GMDS: variants seen among roughly 807,000 people sequenced by gnomAD.
GMDS encodes GDP-mannose 4,6-dehydratase, also known as GDP-mannose 4,6 dehydratase.
Under a neutral mutation model 49.9 loss-of-function variants are expected in GMDS, and 20 were observed. The ratio of observed to expected loss-of-function variants is 0.40; its 90% CI spans 0.28 to 0.58. GMDS has a LOEUF of 0.58. Among genes scored for constraint, GMDS ranks in the 20% least tolerant of loss-of-function variants. The pLI is 0.42. For missense variants in GMDS, 362 were observed against 481.4 expected (o/e 0.75, Z 2.32); for synonymous variants, 177 against 178.6 (o/e 0.99, Z 0.07).
Position 1,789,908 on chromosome 6 carries a change from G to A in GMDS, c.772-47322C>T, listed in dbSNP as rs112675133. Among the ~76,000 whole-genome samples the A allele has an allele frequency of 5.0e-3, 767 of 152,060 alleles. 6 individuals carry two copies. The highest frequency in any genetic ancestry group is 0.018 in the African/African-American group (733 of 41,488). ...ATATTATGCTAGCATTTAAAGAAGT[G>A]GCATATCTGTTTAAATAATATCACA... On this transcript the variant is annotated intron_variant, in intron 7 of 10. Transcript: ENST00000380815.
intron 4 of GMDS, among the ~76,000 whole-genome samples, chr6:1,999,969 A>T (rs866987317): frequency 1.0e-3 from 11 of 10,894 alleles, no homozygotes; most frequent in Middle Eastern, 0.038. Flanking sequence ...TTATATATAT[A>T]TTATATATAT....
In GMDS at chr6:1,674,043, C is replaced by T. The variant is rs1023432808; in HGVS notation, c.988-49503G>A. On this transcript the variant is annotated intron_variant, in intron 9 of 10. Coordinates refer to ENST00000380815, the MANE Select transcript of GMDS (RefSeq NM_001500.4). ...TGTTTTCAACTTAATTGGGTAAATA[C>T]ATAGCCGCGAGGTTGCTGATTGCGT... Among the ~76,000 whole-genome samples, 6 of 150,466 alleles carry T rather than the reference C, an allele frequency of 4.0e-5. No individual in the cohort carries two copies. The South Asian group carries it at 8.5e-4, about 21-fold the overall frequency.
chr6:1,853,144 ACT>A (rs1757767872), intron 7 of GMDS, among the ~76,000 whole-genome samples: 1 of 152,114 alleles, frequency 6.6e-6, no homozygotes, highest in Non-Finnish European at 1.5e-5. Context: ...CATACAAGAA[ACT>A]CTGAAAAGTA....
intron 4 of GMDS, among the ~76,000 whole-genome samples, chr6:1,999,052 G>A (rs980552707): frequency 2.0e-5 from 3 of 152,022 alleles, no homozygotes; most frequent in Admixed American, 6.6e-5. Context: ...GGCCAGGTGC[G>A]GTGGCTCACG....
intron 8 of GMDS, among the ~76,000 whole-genome samples, chr6:1,736,842 G>T (rs935776324): frequency 3.9e-5 from 6 of 152,212 alleles, no homozygotes; most frequent in African/African-American, 1.4e-4. Flanking sequence ...CTGAGTGGAG[G>T]GATGTGCTCT....
chr6:1,684,665 C>T (rs1056691511), intron 9 of GMDS, among the ~76,000 whole-genome samples: 2 of 152,130 alleles, frequency 1.3e-5, no homozygotes, highest in Non-Finnish European at 2.9e-5. Flanking sequence ...GTGTTGGGGG[C>T]AGGACTGACT....
intron 1 of GMDS, among the ~76,000 whole-genome samples, chr6:2,156,986 A>T (rs751176232): frequency 9.9e-5 from 15 of 152,108 alleles, no homozygotes; most frequent in Non-Finnish European, 1.9e-4. Flanking sequence ...ACTAGTTCAG[A>T]TTTTTTTTCT....
chr6:2,145,462 C>T (rs1381047028), intron 1 of GMDS, among the ~76,000 whole-genome samples: 2 of 151,960 alleles, frequency 1.3e-5, no homozygotes, highest in Non-Finnish European at 2.9e-5. Context: ...TGCTTGAACC[C>T]AGGAGATGGA....
At chr6:1,651,157 C>T (rs1763642299) in intron 9 of GMDS, among the ~76,000 whole-genome samples, 1 of 152,210 alleles carries the variant, frequency 6.6e-6, no homozygotes, top group South Asian at 2.1e-4. Flanking sequence ...GCCGCAGCTC[C>T]ACCAGGAGTG....
intron 7 of GMDS, among the ~76,000 whole-genome samples, chr6:1,792,571 T>G (rs112005715): frequency 2.0e-4 from 31 of 152,200 alleles, no homozygotes; most frequent in African/African-American, 7.5e-4. Flanking sequence ...TCACCTTTCT[T>G]GATGTATTCC....
intron 7 of GMDS, among the ~76,000 whole-genome samples, chr6:1,818,354 T>A (rs955057889): frequency 2.0e-5 from 3 of 152,160 alleles, no homozygotes; most frequent in Non-Finnish European, 4.4e-5. Flanking sequence ...ATGCCTGTAA[T>A]CCCAGCACTT....
chr6:2,094,596 A>G (rs1773491617), intron 4 of GMDS, among the ~76,000 whole-genome samples: 1 of 152,254 alleles, frequency 6.6e-6, no homozygotes. Flanking sequence ...TTTAAGAATA[A>G]CATTCACATT....
intron 4 of GMDS, among the ~76,000 whole-genome samples, chr6:2,046,107 G>T (rs1769996899): frequency 6.6e-6 from 1 of 152,170 alleles, no homozygotes; most frequent in Non-Finnish European, 1.5e-5. Context: ...CAGCTACTCA[G>T]GAGGCTGAGG....
chr6:1,810,049 G>A (rs970506772), intron 7 of GMDS, among the ~76,000 whole-genome samples: 24 of 152,132 alleles, frequency 1.6e-4, no homozygotes, highest in Non-Finnish European at 5.9e-5. Context: ...CAACTACACT[G>A]AGCAGTTGCT....
intron 1 of GMDS, among the ~76,000 whole-genome samples, chr6:2,223,163 A>C (rs1780671254): frequency 6.6e-6 from 1 of 152,032 alleles, no homozygotes. Flanking sequence ...ATATATATAC[A>C]CACATATATA....
intron 4 of GMDS, among the ~76,000 whole-genome samples, chr6:2,106,453 C>G (rs893025454): frequency 6.6e-6 from 1 of 152,058 alleles, no homozygotes; most frequent in Non-Finnish European, 1.5e-5. Context: ...GGTATTAAGT[C>G]TAATTTTTTT....
chr6:1,944,538 C>A (rs1425743626), intron 6 of GMDS, among the ~76,000 whole-genome samples: 1 of 151,518 alleles, frequency 6.6e-6, no homozygotes, highest in Non-Finnish European at 1.5e-5. Context: ...GGCGTGGTGG[C>A]GGGCGCCTGT....
intron 7 of GMDS, among the ~76,000 whole-genome samples, chr6:1,743,250 T>C (rs1767344406): frequency 1.3e-5 from 2 of 152,172 alleles, no homozygotes; most frequent in African/African-American, 2.4e-5. Context: ...GGGGCTCAAC[T>C]TCCACATCAA....
At chr6:1,924,750 C>T (rs1190093708) in intron 7 of GMDS, among the ~76,000 whole-genome samples, 1 of 152,160 alleles carries the variant, frequency 6.6e-6, no homozygotes, top group Non-Finnish European at 1.5e-5. Flanking sequence ...CTGCTATAAT[C>T]CTGACTGCTG....
Sources: gnomAD v4.1 joint callset for allele counts (sites outside exome capture counted in the v4.1 genomes callset) on GRCh38, gnomAD v4.1.1 for gene constraint, MANE v1.5 for transcripts, NCBI Gene and HGNC (gene_info 2026-07-23, HGNC 2026-07-21) for gene names.